ANKRD33B: variants seen among roughly 807,000 people sequenced by gnomAD.
ANKRD33B encodes ankyrin repeat domain 33B.
In ANKRD33B, 6 loss-of-function variants were observed where a neutral mutation model predicts 21.5. That is an observed-to-expected ratio of 0.28 (90% CI 0.15 to 0.55). The LOEUF is 0.55. Among genes scored for constraint, ANKRD33B ranks in the 20% least tolerant of loss-of-function variants. ANKRD33B has a pLI of 0.94. For synonymous variants in ANKRD33B, 347 were observed against 342.4 expected, an observed-to-expected ratio of 1.01 and a Z score of -0.15; for missense variants, 698 against 747.2, an observed-to-expected ratio of 0.93 and a Z score of 0.77.
chr5:10,622,935 G>A (rs980940219), intron 2 of ANKRD33B, among the ~76,000 whole-genome samples: 5 of 152,118 alleles, frequency 3.3e-5, no homozygotes, highest in South Asian at 2.1e-4. Flanking sequence ...AAGGAAGAAG[G>A]AAAGGGCTCC....
rs1737433410 is a variant in ANKRD33B at position 10,654,386 on chromosome 5, T to G, written c.*4273T>G. On this transcript the variant is annotated 3_prime_UTR_variant, in exon 4 of 4. Transcript: ENST00000296657. ...TAACTGTAGATAGTGAATTTCAAGT[T>G]GACAGGTACCTTCTCAGGGATTTAT... 1 of 152,398 alleles carries G rather than the reference T, an allele frequency of 6.6e-6. No individual in the cohort carries two copies. Among genetic ancestry groups the G allele is most frequent in the Non-Finnish European group, 1.5e-5 (1 of 68,044 alleles). The allele number at this position is 152,398 out of a possible 1,614,324, so 9.4% of individuals were successfully genotyped here. A position where few individuals can be genotyped will look rare whatever the true frequency, so the allele number is the denominator to read the frequency against.
At chr5:10,635,986 G>GTGGGC (rs1223692444) in intron 2 of ANKRD33B, among the ~76,000 whole-genome samples, 1 of 152,230 alleles carries the variant, frequency 6.6e-6, no homozygotes, top group African/African-American at 2.4e-5. Context: ...GTCTGCAGAG[G>GTGGGC]TGGGCTGGGC....
intron 3 of ANKRD33B, among the ~76,000 whole-genome samples, chr5:10,647,154 G>A (rs1282336939): frequency 6.6e-6 from 1 of 152,034 alleles, no homozygotes; most frequent in Non-Finnish European, 1.5e-5. Flanking sequence ...AATCAGGCTG[G>A]AGTGCGGTGG....
At chr5:10,573,802 C>T (rs1030578952) in intron 1 of ANKRD33B, among the ~76,000 whole-genome samples, 2 of 152,206 alleles carry the variant, frequency 1.3e-5, no homozygotes, top group African/African-American at 2.4e-5. Flanking sequence ...ATGATCCAGT[C>T]ACCTCCCACC....
At chr5:10,633,334 C>T (rs980547796) in intron 2 of ANKRD33B, among the ~76,000 whole-genome samples, 2 of 152,024 alleles carry the variant, frequency 1.3e-5, no homozygotes, top group Admixed American at 6.6e-5. Flanking sequence ...CTCTTGGCCA[C>T]GTGATCCACC....
At chr5:10,586,089 C>T (rs72742313) in intron 1 of ANKRD33B, among the ~76,000 whole-genome samples, 3 of 152,276 alleles carry the variant, frequency 2.0e-5, no homozygotes, top group Non-Finnish European at 4.4e-5. Context: ...TGTCTCTGCT[C>T]CATGCTAATT....
Position 10,637,946 on chromosome 5 carries a change from TTCTC to T in ANKRD33B, c.497-76_497-73del, listed in dbSNP as rs1736910529. 17 of 1,462,850 alleles carry T rather than the reference TTCTC, an allele frequency of 1.2e-5. No homozygotes were observed. In the South Asian group the frequency reaches 2.1e-4, roughly 18 times the overall value. The allele number at this position is 1,462,850 out of a possible 1,614,324, so 90.6% of individuals were successfully genotyped here. ...GGCCCAGGGCTGACTCAGTGTTTCT[TTCTC>T]TCTCTAGGAAGGCCTGGCTGGAACC... On this transcript the variant is annotated intron_variant, in intron 2 of 3. Coordinates refer to ENST00000296657, the MANE Select transcript of ANKRD33B (RefSeq NM_001164440.2).
Position 10,566,793 on chromosome 5 carries a change from T to C in ANKRD33B, c.366+1960T>C, listed in dbSNP as rs141062608. On this transcript the variant is annotated intron_variant, in intron 1 of 3. Coordinates refer to ENST00000296657, the MANE Select transcript of ANKRD33B (RefSeq NM_001164440.2). ...CCTCCCAGCAGCTCTCTGCCTCAGT[T>C]TCCTCGTCTGTAAAATAGGGATAAG... Among the ~76,000 whole-genome samples the C allele has an allele frequency of 3.7e-3, 564 of 152,258 alleles. 5 individuals carry two copies. The highest frequency in any genetic ancestry group is 0.013 in the African/African-American group (541 of 41,548).
intron 1 of ANKRD33B, among the ~76,000 whole-genome samples, chr5:10,614,173 T>G (rs1736234418): frequency 6.6e-6 from 1 of 152,110 alleles, no homozygotes; most frequent in Non-Finnish European, 1.5e-5. Flanking sequence ...GCCGGTCAAG[T>G]TTCTTCTTTC....
intron 2 of ANKRD33B, among the ~76,000 whole-genome samples, chr5:10,629,844 AAG>A (rs1458516838): frequency 6.6e-6 from 1 of 152,138 alleles, no homozygotes; most frequent in Non-Finnish European, 1.5e-5. Flanking sequence ...GAAAGGATGA[AAG>A]AGAGGAGTGA....
chr5:10,630,184 G>A (rs552657221), intron 2 of ANKRD33B, among the ~76,000 whole-genome samples: 1 of 152,328 alleles, frequency 6.6e-6, no homozygotes, highest in East Asian at 1.9e-4. Context: ...TATTGCTTAT[G>A]CATCTGTGGA....
chr5:10,594,166 G>T (rs1357379617), intron 1 of ANKRD33B, among the ~76,000 whole-genome samples: 9 of 148,478 alleles, frequency 6.1e-5, no homozygotes, highest in South Asian at 2.1e-4. Flanking sequence ...TGTATTTATT[G>T]ATTGATTGAT....
At position 10,621,103 on chromosome 5, in the gene ANKRD33B, A is replaced by G. The variant is rs935662505; in HGVS notation, c.496+2641A>G. ...TGCTGAAGTTATCCCAAACCCAGCC[A>G]GTTGGTAACCCTGAAGATGGCTCCA... On this transcript the variant is annotated intron_variant, in intron 2 of 3. Coordinates refer to ENST00000296657, the MANE Select transcript of ANKRD33B (RefSeq NM_001164440.2). Among the ~76,000 whole-genome samples the G allele has an allele frequency of 9.9e-5, 15 of 152,192 alleles. 1 individual carries two copies. Among genetic ancestry groups the G allele is most frequent in the Admixed American group, 9.8e-4 (15 of 15,278 alleles).
rs1339954965 is a variant in ANKRD33B, at chr5:10,650,708, GCATTGGCTCGTTGAGCCA to G, written c.*599_*616del. ...TGCCGGATATTTCTATTTGACGGAG[GCATTGGCTCGTTGAGCCA>G]CATGATCAAGTGAGACAGAGGATCA... is the stretch of plus-strand genomic sequence containing the variant. On this transcript the variant is annotated 3_prime_UTR_variant, in exon 4 of 4. Transcript: ENST00000296657. 2.0e-5 allele frequency: 3 copies of G among 152,470 alleles called. No homozygotes were observed. The East Asian group carries it at 5.6e-4, about 29-fold the overall frequency. The allele number at this position is 152,470 out of a possible 1,614,324, so 9.4% of individuals were successfully genotyped here. A position where few individuals can be genotyped will look rare whatever the true frequency, so the allele number is the denominator to read the frequency against.
intron 1 of ANKRD33B, among the ~76,000 whole-genome samples, chr5:10,597,295 T>G (rs558242014): frequency 6.6e-6 from 1 of 152,234 alleles, no homozygotes; most frequent in South Asian, 2.1e-4. Flanking sequence ...TTCAAGAGAC[T>G]CATCTCACAT....
rs368181018 is a variant in ANKRD33B, at chr5:10,564,874, C to T, written c.366+41C>T. ...CGCAGGATTTGAGCCCCCTCACTGC[C>T]CCCACTCCCCTCCTCCCCACCACAT... is the stretch of plus-strand genomic sequence containing the variant. On this transcript the variant is annotated intron_variant, in intron 1 of 3. Coordinates refer to ENST00000296657, the MANE Select transcript of ANKRD33B (RefSeq NM_001164440.2). The T allele has an allele frequency of 3.4e-6, 5 of 1,461,748 alleles. No homozygotes were observed. The African/African-American group carries it at 7.0e-5, about 20-fold the overall frequency. The allele number at this position is 1,461,748 out of a possible 1,614,324, so 90.5% of individuals were successfully genotyped here.
In ANKRD33B at chr5:10,640,047, GCACGGTGA is replaced by G. The variant is rs1185644511; in HGVS notation, c.637+1880_637+1887del. Among the ~76,000 whole-genome samples, 6 of 92,094 alleles carry G rather than the reference GCACGGTGA, an allele frequency of 6.5e-5. 1 individual carries two copies. Among genetic ancestry groups the G allele is most frequent in the Admixed American group, 1.1e-4 (1 of 9,200 alleles). The allele number at this position is 92,094 out of a possible 152,430, so 60.4% of individuals were successfully genotyped here. Reference sequence around the variant, plus strand: ...CGATGTTAGCGGGTGACGTGGAGTTGCACGGTGATGTTAGGCGGTGACGTGGAGTTGCG... The same window carrying G: ...CGATGTTAGCGGGTGACGTGGAGTTGTGTTAGGCGGTGACGTGGAGTTGCG... On this transcript the variant is annotated intron_variant, in intron 3 of 3. Coordinates refer to ENST00000296657, the MANE Select transcript of ANKRD33B (RefSeq NM_001164440.2).
chr5:10,614,025 G>GTGTGTGTA (rs1295818243), intron 1 of ANKRD33B, among the ~76,000 whole-genome samples: 13 of 150,564 alleles, frequency 8.6e-5, no homozygotes, highest in African/African-American at 2.0e-4. Flanking sequence ...GTGTGTGTGT[G>GTGTGTGTA]TATAAACATA....
In ANKRD33B at chr5:10,564,658, A is replaced by G. The variant is rs1473870561; in HGVS notation, c.191A>G (p.Glu64Gly). 1 of 1,534,828 alleles carries G rather than the reference A, an allele frequency of 6.5e-7. No homozygotes were observed. Among genetic ancestry groups the G allele is most frequent in the Non-Finnish European group, 8.7e-7 (1 of 1,146,580 alleles). The change falls in exon 1 of 4, where the codon GAG becomes GGG. Residue 64 changes from glutamate (E) to glycine (G), a missense_variant. Coordinates refer to ENST00000296657, the MANE Select transcript of ANKRD33B (RefSeq NM_001164440.2). ...SDDSFYPFED[E>G]EEHGVESAES... ...GACTCTTTCTACCCTTTCGAGGACG[A>G]GGAGGAGCACGGCGTCGAGAGCGCG... is the stretch of plus-strand genomic sequence containing the variant.
Sources: gnomAD v4.1 joint callset for allele counts (sites outside exome capture counted in the v4.1 genomes callset) on GRCh38, gnomAD v4.1.1 for gene constraint, MANE v1.5 for transcripts, NCBI Gene and HGNC (gene_info 2026-07-23, HGNC 2026-07-21) for gene names.